ARNT2: variants seen among roughly 807,000 people sequenced by gnomAD.
ARNT2 encodes ARNT protein 2.
ARNT2 carries 36 observed loss-of-function variants against 91.7 expected under a neutral mutation model. That is an observed-to-expected ratio of 0.39 (90% CI 0.30 to 0.52). ARNT2 has a LOEUF of 0.52. Among genes scored for constraint, ARNT2 ranks in the 20% least tolerant of loss-of-function variants. The pLI is 0.72. For missense variants in ARNT2, 775 were observed against 939.3 expected (o/e 0.83, Z 2.29); for synonymous variants, 365 against 347.1 (o/e 1.05, Z -0.57).
At chr15:80,449,900 T>C (rs1172698192) in intron 1 of ARNT2, among the ~76,000 whole-genome samples, 1 of 152,188 alleles carries the variant, frequency 6.6e-6, no homozygotes, top group African/African-American at 2.4e-5. Flanking sequence ...TTTTTGTAGA[T>C]TGCTGCTTCC....
rs1898075594 is a variant in ARNT2 at position 80,551,277 on chromosome 15, TAAG to T, written c.954+5_954+7del. On this transcript the variant is annotated splice_donor_5th_base_variant and intron_variant, in intron 9 of 18. Coordinates refer to ENST00000303329, the MANE Select transcript of ARNT2 (RefSeq NM_014862.4). ...CTCGTGGCAATTGGGAGACTCCAGG[TAAG>T]AAAAAATTCGTAGCCTTTTTAATCT... 1 of 1,612,916 alleles carries T rather than the reference TAAG, an allele frequency of 6.2e-7. No homozygotes were observed.
At chr15:80,450,525 A>G (rs2278707) in intron 1 of ARNT2, among the ~76,000 whole-genome samples, 15,332 of 152,236 alleles carry the variant, frequency 0.1, 810 homozygotes, top group Middle Eastern at 0.15. Context: ...TCTTTCCCTC[A>G]GGCCTTAGCT....
At chr15:80,542,059 T>A (rs1289753307) in intron 8 of ARNT2, among the ~76,000 whole-genome samples, 1 of 152,226 alleles carries the variant, frequency 6.6e-6, no homozygotes, top group African/African-American at 2.4e-5. Context: ...GAGCCCAGTG[T>A]CCTGAGAACA....
At chr15:80,420,421 T>G (rs1053038275) in intron 1 of ARNT2, among the ~76,000 whole-genome samples, 1 of 152,160 alleles carries the variant, frequency 6.6e-6, no homozygotes, top group African/African-American at 2.4e-5. Context: ...ATTTATTGGA[T>G]ATATACTGAA....
chr15:80,460,407 A>G (rs1049873886), intron 3 of ARNT2, among the ~76,000 whole-genome samples: 71 of 152,370 alleles, frequency 4.7e-4, no homozygotes, highest in African/African-American at 1.6e-3. Flanking sequence ...ACAAAGTAGT[A>G]GATGTGAAGC....
chr15:80,473,618 G>A lies in ARNT2; in HGVS notation c.409-1392G>A, dbSNP rs756965470. Among the ~76,000 whole-genome samples the A allele has an allele frequency of 2.0e-5, 3 of 152,328 alleles. No homozygotes were observed. In the South Asian group the frequency reaches 6.2e-4, roughly 32 times the overall value. ...TGACGCAGAACAGCAAAAGTGCAAA[G>A]CAAGAGAAATGGGCAAAATAAACTT... is the stretch of plus-strand genomic sequence containing the variant. On this transcript the variant is annotated intron_variant, in intron 4 of 18. Coordinates refer to ENST00000303329, the MANE Select transcript of ARNT2 (RefSeq NM_014862.4).
rs115458634 is a variant in ARNT2 at position 80,587,656 on chromosome 15, T to A, written c.1919-3912T>A. ...ACAAGCTCCTCAAGATTCTGACCCG[T>A]GGTCTGAAAGCCCACACAGCTGGCC... is the stretch of plus-strand genomic sequence containing the variant. On this transcript the variant is annotated intron_variant, in intron 17 of 18. Transcript: ENST00000303329. Among the ~76,000 whole-genome samples the A allele has an allele frequency of 5.1e-3, 772 of 152,332 alleles. 7 individuals are homozygous for A. The highest frequency in any genetic ancestry group is 0.018 in the African/African-American group (735 of 41,572).
At chr15:80,580,139 T>C (rs1486370324) in intron 15 of ARNT2, 2 of 435,090 alleles carry the variant, frequency 4.6e-6, no homozygotes, top group Non-Finnish European at 8.5e-6. Context: ...GGCTGAAGAG[T>C]GCGTGGGAGA....
intron 8 of ARNT2, among the ~76,000 whole-genome samples, chr15:80,516,855 A>ATATATATATATATATATT (rs1491249404): frequency 7.0e-6 from 1 of 142,636 alleles, no homozygotes; most frequent in African/African-American, 2.5e-5. Context: ...ATATATATAT[A>ATATATATATATATATATT]TCCATGTTCA....
rs779091420 is a variant in ARNT2 at position 80,563,104 on chromosome 15, G to T, written c.1181G>T (p.Gly394Val). ...ESFQQVVKLKGQVLSVMYRFR... is the reference protein window; with the variant it reads ...ESFQQVVKLKVQVLSVMYRFR... ...TTTTCTCAGGTGGTTAAGCTGAAAG[G>T]CCAAGTCCTGTCGGTCATGTATCGA... Residue 394 changes from glycine to valine, a missense_variant, in exon 12 of 19, where the codon GGC (glycine) becomes GTC (valine). Physicochemically the swap from Gly to Val is moderately radical, Grantham distance 109. This residue lies in a region of ARNT2 where 285 missense variants were observed against 327.2 expected (regional missense o/e 0.87). Coordinates refer to ENST00000303329, the MANE Select transcript of ARNT2 (RefSeq NM_014862.4). 14 of 1,614,122 alleles carry T rather than the reference G, an allele frequency of 8.7e-6. No individual in the cohort carries two copies. The South Asian group carries it at 1.5e-4, about 18-fold the overall frequency.
chr15:80,410,977 T>C (rs1443550409), intron 1 of ARNT2, among the ~76,000 whole-genome samples: 1 of 152,178 alleles, frequency 6.6e-6, no homozygotes, highest in African/African-American at 2.4e-5. Flanking sequence ...TCCTTTCCAA[T>C]TGAGGGCTCT....
intron 8 of ARNT2, among the ~76,000 whole-genome samples, chr15:80,538,035 A>G (rs1000025663): frequency 6.6e-6 from 1 of 152,204 alleles, no homozygotes; most frequent in African/African-American, 2.4e-5. Flanking sequence ...ATGTTGAGCT[A>G]AGTAAATTTG....
intron 3 of ARNT2, among the ~76,000 whole-genome samples, chr15:80,458,400 A>G (rs1896508550): frequency 6.6e-6 from 1 of 152,188 alleles, no homozygotes; most frequent in African/African-American, 2.4e-5. Context: ...AAAACTGTCA[A>G]GATAAGTCTT....
chr15:80,420,024 G>GCACCTCCCTATGCAACCAGCCATC (rs1567175131), intron 1 of ARNT2, among the ~76,000 whole-genome samples: 1 of 152,074 alleles, frequency 6.6e-6, no homozygotes, highest in African/African-American at 2.4e-5. Context: ...CACAGCACCC[G>GCACCTCCCTATGCAACCAGCCATC]CACCTCCCTA....
In ARNT2 at chr15:80,566,377, A is replaced by G. The variant is rs550605587; in HGVS notation, c.1316+3138A>G. Among the ~76,000 whole-genome samples, 31 of 152,258 alleles carry G rather than the reference A, an allele frequency of 2.0e-4. 1 individual carries two copies. Among genetic ancestry groups the G allele is most frequent in the African/African-American group, 7.5e-4 (31 of 41,532 alleles). ...TGCCCTCCTCTCCTCCATTTCTGGC[A>G]TCTAGCAGAGGCAAAGCCTCCTCCT... On this transcript the variant is annotated intron_variant, in intron 12 of 18. Transcript: ENST00000303329.
intron 4 of ARNT2, among the ~76,000 whole-genome samples, chr15:80,473,810 T>G (rs910435019): frequency 3.9e-5 from 6 of 152,188 alleles, no homozygotes; most frequent in African/African-American, 1.4e-4. Context: ...CCCTGCTCAG[T>G]TACTGGGATT....
chr15:80,445,192 GGTGT>G (rs1896277529), intron 1 of ARNT2: 1 of 151,100 alleles, frequency 6.6e-6, no homozygotes, highest in South Asian at 2.1e-4. Flanking sequence ...GGGTGTGTGG[GGTGT>G]GTGAGTGTTG....
In ARNT2 at chr15:80,470,274, C is replaced by T. The variant is rs745717006; in HGVS notation, c.251C>T (p.Thr84Met). 14 of 1,614,032 alleles carry T rather than the reference C, an allele frequency of 8.7e-6. No individual in the cohort carries two copies. Among genetic ancestry groups the T allele is most frequent in the Admixed American group, 3.3e-5 (2 of 60,008 alleles). Reference protein sequence around the residue: ...RRRNKMTQYITELSDMVPTCS... With the variant: ...RRRNKMTQYIMELSDMVPTCS... The stretch of plus-strand genomic sequence containing the variant: ...CGGAACAAGATGACTCAGTACATCA[C>T]GGAGCTCTCCGACATGGTCCCCACA... The change falls in exon 4 of 19, where the codon ACG becomes ATG. Residue 84 changes from threonine to methionine, a missense_variant. This residue lies in a region of ARNT2 where 83 missense variants were observed against 149.4 expected (regional missense o/e 0.56). Coordinates refer to ENST00000303329, the MANE Select transcript of ARNT2 (RefSeq NM_014862.4).
chr15:80,586,914 G>A (rs941555785), intron 17 of ARNT2, among the ~76,000 whole-genome samples: 2 of 152,054 alleles, frequency 1.3e-5, no homozygotes, highest in Admixed American at 1.3e-4. Flanking sequence ...TTCAAAATAG[G>A]GGAACAGGGT....
Sources: allele counts gnomAD v4.1 joint callset (sites outside exome capture counted in the v4.1 genomes callset), GRCh38; gene constraint gnomAD v4.1.1; regional missense constraint gnomAD v4.1.1; transcripts MANE v1.5; gene names NCBI Gene and HGNC (gene_info 2026-07-23, HGNC 2026-07-21).